Variants in SVOPL observed in about 807,000 individuals in gnomAD.
SVOPL encodes putative transporter SVOPL.
In SVOPL, 60 loss-of-function variants were observed where a neutral mutation model predicts 61.0. That is an observed-to-expected ratio of 0.98 (90% CI 0.80 to 1.22). SVOPL has a LOEUF of 1.22. SVOPL is among the 50% of genes most tolerant of loss of function. The pLI is 0.00. For missense variants in SVOPL, 662 were observed against 643.9 expected, an observed-to-expected ratio of 1.03 and a Z score of -0.30; for synonymous variants, 279 against 250.0, an observed-to-expected ratio of 1.12 and a Z score of -1.09.
At chr7:138,643,241 A>G (rs912061820) in intron 9 of SVOPL, among the ~76,000 whole-genome samples, 3 of 152,156 alleles carry the variant, frequency 2.0e-5, no homozygotes, top group South Asian at 2.1e-4. Context: ...CCTGGTCAAC[A>G]TGGTGAAACC....
intron 1 of SVOPL, among the ~76,000 whole-genome samples, chr7:138,699,805 G>C (rs1380161815): frequency 3.3e-5 from 5 of 152,192 alleles, no homozygotes; most frequent in Non-Finnish European, 7.3e-5. Flanking sequence ...CCCGCCACCG[G>C]AACAGCGTTC....
chr7:138,637,491 GATATATAT>G (rs1201179833), intron 9 of SVOPL, among the ~76,000 whole-genome samples: 159 of 15,602 alleles, frequency 0.01, 1 homozygote, highest in African/African-American at 0.027. Flanking sequence ...GATATAGATA[GATATATAT>G]ATATATATAT....
At chr7:138,612,898 T>C (rs1260468889) in intron 14 of SVOPL, among the ~76,000 whole-genome samples, 2 of 152,164 alleles carry the variant, frequency 1.3e-5, no homozygotes, top group Non-Finnish European at 2.9e-5. Flanking sequence ...TCCAGAATTC[T>C]GAAATCTCCT....
At chr7:138,677,457 C>T (rs1264737496) in intron 3 of SVOPL, among the ~76,000 whole-genome samples, 2 of 152,114 alleles carry the variant, frequency 1.3e-5, no homozygotes, top group East Asian at 3.9e-4. Context: ...TCCGATTTGG[C>T]ATAACATTAT....
chr7:138,599,781 G>C (rs1388359508), intron 14 of SVOPL, among the ~76,000 whole-genome samples: 1 of 151,908 alleles, frequency 6.6e-6, no homozygotes, highest in Non-Finnish European at 1.5e-5. Context: ...CCAGCTACTC[G>C]GGAGGCTGAG....
In SVOPL at chr7:138,687,694, G is replaced by GAAA. The variant is rs35163299; in HGVS notation, c.-34-8618_-34-8616dup. On this transcript the variant is annotated intron_variant, in intron 1 of 15. Coordinates refer to ENST00000674285, the MANE Select transcript of SVOPL (RefSeq NM_001139456.2). ...CATCTAAAGACACTATCAAGAAGGT[G>GAAA]AAAAAAAAAAAACAGAATGGGAGAG... Among the ~76,000 whole-genome samples, 715 of 138,018 alleles carry GAAA rather than the reference G, an allele frequency of 5.2e-3. 15 individuals are homozygous for GAAA. The highest frequency in any genetic ancestry group is 0.038 in the East Asian group (181 of 4,774). The allele number at this position is 138,018 out of a possible 152,430, so 90.5% of individuals were successfully genotyped here. A position where few individuals can be genotyped will look rare whatever the true frequency, so the allele number is the denominator to read the frequency against.
At chr7:138,676,675 C>T (rs1402070774) in intron 3 of SVOPL, among the ~76,000 whole-genome samples, 1 of 152,154 alleles carries the variant, frequency 6.6e-6, no homozygotes, top group Non-Finnish European at 1.5e-5. Flanking sequence ...CAGCAGGTGT[C>T]TCTGGTGATT....
chr7:138,661,958 G>T (rs1802021703), intron 5 of SVOPL: 1 of 985,376 alleles, frequency 1.0e-6, no homozygotes, highest in African/African-American at 1.7e-5. Flanking sequence ...TTACCAATAG[G>T]CTCCTCTTGA....
At chr7:138,619,588 A>AAAAAAAAAAAAAAG (rs1799458306) in intron 14 of SVOPL, among the ~76,000 whole-genome samples, 1 of 146,216 alleles carries the variant, frequency 6.8e-6, no homozygotes, top group African/African-American at 2.6e-5. Flanking sequence ...AAAAAAAAAA[A>AAAAAAAAAAAAAAG]GTGAAAAAGA....
rs1563112123 is a variant in SVOPL, at chr7:138,641,817, TATATATATATATATATAA to T, written c.789+2882_789+2899del. ...AGACGTATCAAATATATATATGTTATATATATATATATATATAACATATATATATAACATATATATAGT... is the reference window on the plus strand; with the variant it reads ...AGACGTATCAAATATATATATGTTATCATATATATATAACATATATATAGT... On this transcript the variant is annotated intron_variant, in intron 9 of 15. Transcript: ENST00000674285. Among the ~76,000 whole-genome samples the T allele has an allele frequency of 3.1e-5, 4 of 129,584 alleles. 1 individual carries two copies. The Admixed American group carries it at 3.1e-4, about 10-fold the overall frequency. 85.0% of individuals were successfully genotyped at this position (129,584 alleles called of 152,430 possible).
chr7:138,692,038 G>C lies in SVOPL; in HGVS notation c.-35+9140C>G, dbSNP rs183552075. On this transcript the variant is annotated intron_variant, in intron 1 of 15. Transcript: ENST00000674285. ...TCACCATACTGGCTAGGCTGGTCTC[G>C]AACTCCTAACCTCAAGTGAATCAGC... Among the ~76,000 whole-genome samples the C allele has an allele frequency of 8.1e-3, 1,221 of 151,330 alleles. 4 individuals are homozygous for C. The highest frequency in any genetic ancestry group is 0.012 in the Non-Finnish European group (835 of 67,830).
intron 13 of SVOPL, 60 bp from the exon 14 acceptor site, chr7:138,621,195 C>T (rs1409702947): frequency 6.9e-7 from 1 of 1,455,560 alleles, no homozygotes; most frequent in African/African-American, 1.4e-5. Flanking sequence ...CCGAGCCCTC[C>T]TCTTCCCCTT....
chr7:138,618,119 A>G (rs759097660), intron 14 of SVOPL, among the ~76,000 whole-genome samples: 6 of 152,210 alleles, frequency 3.9e-5, no homozygotes, highest in Admixed American at 2.0e-4. Context: ...CCTGTTAAGG[A>G]AAGCAGAGCA....
At chr7:138,608,315 G>A (rs373551881) in intron 14 of SVOPL, among the ~76,000 whole-genome samples, 18 of 152,158 alleles carry the variant, frequency 1.2e-4, no homozygotes, top group African/African-American at 3.6e-4. Flanking sequence ...TTTAAAAAAC[G>A]TGCTATAAAT....
intron 8 of SVOPL, chr7:138,645,793 T>G (rs1285537155): frequency 6.2e-6 from 1 of 160,338 alleles, no homozygotes; most frequent in Non-Finnish European, 1.4e-5. Flanking sequence ...TATACTTCCC[T>G]TCGGCTTCCT....
rs578249838 is a variant in SVOPL at position 138,594,509 on chromosome 7, C to T, written c.*101G>A. 23 of 1,081,578 alleles carry T rather than the reference C, an allele frequency of 2.1e-5. No individual in the cohort carries two copies. The East Asian group carries it at 2.7e-4, about 13-fold the overall frequency. The allele number at this position is 1,081,578 out of a possible 1,614,324, so 67.0% of individuals were successfully genotyped here. ...AAAAAAAAATCACTTTACTAATTACCGAGTAGCATACAGAAGTAAAACCAA... is the reference window on the plus strand; with the variant it reads ...AAAAAAAAATCACTTTACTAATTACTGAGTAGCATACAGAAGTAAAACCAA... On this transcript the variant is annotated 3_prime_UTR_variant, in exon 16 of 16. Transcript: ENST00000674285.
rs62485311 is a variant in SVOPL at position 138,621,834 on chromosome 7, C to G, written c.1264-699G>C. 2.5e-3 allele frequency among the ~76,000 whole-genome samples: 165 copies of G among 65,228 alleles called. 1 individual carries two copies. In the Middle Eastern group the frequency reaches 0.036, roughly 14 times the overall value. 42.8% of individuals were successfully genotyped at this position (65,228 alleles called of 152,430 possible). ...TCTATGTATCTATGTATCTATGTAT[C>G]TATCTATCTATGTATCTATCTATCT... On this transcript the variant is annotated intron_variant, in intron 13 of 15. Coordinates refer to ENST00000674285, the MANE Select transcript of SVOPL (RefSeq NM_001139456.2).
intron 12 of SVOPL, among the ~76,000 whole-genome samples, chr7:138,626,756 G>A (rs921189068): frequency 6.6e-6 from 1 of 151,914 alleles, no homozygotes. Flanking sequence ...TGAGGCAGGA[G>A]GATGGCTTGA....
At chr7:138,696,067 C>T (rs1803059082) in intron 1 of SVOPL, among the ~76,000 whole-genome samples, 1 of 152,116 alleles carries the variant, frequency 6.6e-6, no homozygotes, top group Non-Finnish European at 1.5e-5. Context: ...CATGCGTGGG[C>T]CACCGCACCC....
Sources: gnomAD v4.1 joint callset for allele counts (sites outside exome capture counted in the v4.1 genomes callset) on GRCh38, gnomAD v4.1.1 for gene constraint, MANE v1.5 for transcripts, NCBI Gene and HGNC (gene_info 2026-07-23, HGNC 2026-07-21) for gene names.